Variants in CCSER1 observed in about 807,000 individuals in gnomAD.
The protein encoded by CCSER1 is serine-rich coiled-coil domain-containing protein 1.
In CCSER1, 41 loss-of-function variants were observed where a neutral mutation model predicts 82.0. That is an observed-to-expected ratio of 0.50 (90% CI 0.39 to 0.65). The LOEUF (loss-of-function observed/expected upper bound fraction) is 0.65, where lower values mean the gene tolerates loss of function less well. CCSER1 is among the 30% of genes least tolerant of loss of function. CCSER1 has a pLI of 0.00. For missense variants in CCSER1, 1,119 were observed against 1,064.2 expected (o/e 1.05, Z -0.72); for synonymous variants, 414 against 383.9 (o/e 1.08, Z -0.92).
intron 1 of CCSER1, among the ~76,000 whole-genome samples, chr4:90,146,389 A>G (rs894612373): frequency 6.6e-6 from 1 of 152,096 alleles, no homozygotes; most frequent in Admixed American, 6.5e-5. Flanking sequence ...TGTAAAGGGC[A>G]TGATCTTTAG....
chr4:90,876,213 A>C (rs1413315289), intron 8 of CCSER1, among the ~76,000 whole-genome samples: 1 of 152,096 alleles, frequency 6.6e-6, no homozygotes, highest in African/African-American at 2.4e-5. Flanking sequence ...TCTTCACTCC[A>C]AAAGTCTTTA....
At chr4:90,666,061 A>G (rs999293108) in intron 6 of CCSER1, among the ~76,000 whole-genome samples, 3 of 151,796 alleles carry the variant, frequency 2.0e-5, no homozygotes, top group African/African-American at 7.3e-5. Context: ...GCCCCCCTCA[A>G]TCTTCAAACC....
At chr4:91,083,904 A>C (rs1227621575) in intron 9 of CCSER1, among the ~76,000 whole-genome samples, 1 of 152,178 alleles carries the variant, frequency 6.6e-6, no homozygotes, top group East Asian at 1.9e-4. Context: ...TTCCAGAATT[A>C]GATGGTAGGA....
intron 7 of CCSER1, among the ~76,000 whole-genome samples, chr4:90,790,291 T>C (rs765090525): frequency 6.6e-6 from 1 of 152,186 alleles, no homozygotes; most frequent in Non-Finnish European, 1.5e-5. Flanking sequence ...ATTATAATTT[T>C]CCATGATTAA....
chr4:91,009,642 CTTTCATAT>C (rs1489059680), intron 9 of CCSER1, among the ~76,000 whole-genome samples: 1 of 151,888 alleles, frequency 6.6e-6, no homozygotes, highest in Non-Finnish European at 1.5e-5. Context: ...AGCTTTGATT[CTTTCATAT>C]TTATCACTTT....
intron 9 of CCSER1, among the ~76,000 whole-genome samples, chr4:90,944,099 G>A (rs1165270195): frequency 2.6e-5 from 4 of 151,640 alleles, no homozygotes; most frequent in African/African-American, 4.8e-5. Context: ...CTGGGCGAGC[G>A]GCTTGAGCCT....
intron 4 of CCSER1, among the ~76,000 whole-genome samples, chr4:90,420,112 G>A (rs1342507317): frequency 1.3e-5 from 2 of 151,818 alleles, no homozygotes; most frequent in Non-Finnish European, 2.9e-5. Context: ...TATAATTATC[G>A]ATAATACATT....
At chr4:90,957,382 G>T (rs1420616301) in intron 9 of CCSER1, among the ~76,000 whole-genome samples, 1 of 146,674 alleles carries the variant, frequency 6.8e-6, no homozygotes, top group Admixed American at 7.0e-5. Context: ...TTACAGGCGT[G>T]AGCCACCGTG....
At chr4:90,245,328 A>G (rs1721224912) in intron 1 of CCSER1, among the ~76,000 whole-genome samples, 1 of 152,128 alleles carries the variant, frequency 6.6e-6, no homozygotes, top group African/African-American at 2.4e-5. Flanking sequence ...CTCTTGAAAA[A>G]ATTTAGCCTG....
intron 7 of CCSER1, among the ~76,000 whole-genome samples, chr4:90,777,375 A>AAAAAAT (rs1260780510): frequency 6.6e-6 from 1 of 151,070 alleles, no homozygotes; most frequent in African/African-American, 2.4e-5. Flanking sequence ...AAAAAAAAAA[A>AAAAAAT]AGCCTGTAAG....
chr4:91,336,989 G>C lies in CCSER1; in HGVS notation c.2217+250995G>C, dbSNP rs1040643212. ...ATGTAAATAAATACAAATGCATATA[G>C]AATAAACTAAAATGGAGTCAGTATT... On this transcript the variant is annotated intron_variant, in intron 10 of 10. Transcript: ENST00000509176. Among the ~76,000 whole-genome samples, 4 of 152,032 alleles carry C rather than the reference G, an allele frequency of 2.6e-5. No individual in the cohort carries two copies. In the East Asian group the frequency reaches 7.7e-4, roughly 29 times the overall value.
At chr4:90,269,036 C>T (rs1012858820) in intron 1 of CCSER1, among the ~76,000 whole-genome samples, 2 of 151,932 alleles carry the variant, frequency 1.3e-5, no homozygotes, top group Non-Finnish European at 2.9e-5. Context: ...ACCAGAGTAC[C>T]CAGATATGTA....
At chr4:90,925,242 C>A (rs1728913820) in intron 9 of CCSER1, among the ~76,000 whole-genome samples, 1 of 152,030 alleles carries the variant, frequency 6.6e-6, no homozygotes, top group South Asian at 2.1e-4. Flanking sequence ...TACTTCAAGC[C>A]CCCAAATTTT....
At chr4:90,643,276 A>G (rs1726902007) in intron 6 of CCSER1, among the ~76,000 whole-genome samples, 1 of 152,176 alleles carries the variant, frequency 6.6e-6, no homozygotes, top group Admixed American at 6.5e-5. Context: ...CATTAAATGA[A>G]TGAATGTGTG....
At chr4:91,076,871 A>G (rs1470720683) in intron 9 of CCSER1, among the ~76,000 whole-genome samples, 1 of 152,300 alleles carries the variant, frequency 6.6e-6, no homozygotes, top group East Asian at 1.9e-4. Context: ...CATGGTATTC[A>G]AATTTTGTAG....
rs1766063186 is a variant in CCSER1, at chr4:90,868,732, T to C, written c.2094+52887T>C. Among the ~76,000 whole-genome samples, 2 of 152,244 alleles carry C rather than the reference T, an allele frequency of 1.3e-5. 1 individual carries two copies. The highest frequency in any genetic ancestry group is 4.1e-4 in the South Asian group (2 of 4,830). On this transcript the variant is annotated intron_variant, in intron 8 of 10. Transcript: ENST00000509176. ...GGTATATACCCAGCAGTGGGATTGCTAGATCGTATGGTAGCTGAATCAATT... is the reference window on the plus strand; with the variant it reads ...GGTATATACCCAGCAGTGGGATTGCCAGATCGTATGGTAGCTGAATCAATT...
intron 8 of CCSER1, among the ~76,000 whole-genome samples, chr4:90,864,045 A>T (rs1765430309): frequency 6.9e-6 from 1 of 145,064 alleles, no homozygotes; most frequent in African/African-American, 2.6e-5. Context: ...CTCTAATATC[A>T]CTTTCTTATA....
chr4:91,458,665 C>T (rs992902708), intron 10 of CCSER1, among the ~76,000 whole-genome samples: 2 of 152,076 alleles, frequency 1.3e-5, no homozygotes, highest in Non-Finnish European at 2.9e-5. Context: ...CTTTCCATTT[C>T]TTGTCCTCTT....
At chr4:91,226,752 T>C (rs1234767439) in intron 10 of CCSER1, among the ~76,000 whole-genome samples, 1 of 151,862 alleles carries the variant, frequency 6.6e-6, no homozygotes, top group Non-Finnish European at 1.5e-5. Flanking sequence ...TGGATAAACT[T>C]GTACATTTCA....
Sources: gnomAD v4.1 joint callset for allele counts (sites outside exome capture counted in the v4.1 genomes callset) on GRCh38, gnomAD v4.1.1 for gene constraint, MANE v1.5 for transcripts, NCBI Gene and HGNC (gene_info 2026-07-23, HGNC 2026-07-21) for gene names.